The following ATP2B2 variants were observed in gnomAD, a reference collection of about 807,000 sequenced individuals.
ATP2B2 encodes ATPase plasma membrane Ca2+ transporting 2.
A neutral mutation model predicts 120.0 loss-of-function variants in ATP2B2; 15 were observed. That is an observed-to-expected ratio of 0.12 (90% CI 0.08 to 0.19). The LOEUF (loss-of-function observed/expected upper bound fraction) is 0.19, where lower values mean the gene tolerates loss of function less well. Ranked by LOEUF, ATP2B2 falls within the 10% of genes least tolerant of loss-of-function variation. The pLI is 1.00. For missense variants in ATP2B2, 1,045 were observed against 1,719.8 expected (o/e 0.61, Z 6.94); for synonymous variants, 694 against 700.3 (o/e 0.99, Z 0.14).
At chr3:10,576,790 C>A (rs533514487) in intron 2 of ATP2B2, among the ~76,000 whole-genome samples, 1 of 151,994 alleles carries the variant, frequency 6.6e-6, no homozygotes, top group Non-Finnish European at 1.5e-5. Flanking sequence ...TGGGGCCGGG[C>A]GCGGTGGCTC....
chr3:10,553,622 C>T (rs1231029168), intron 2 of ATP2B2, among the ~76,000 whole-genome samples: 1 of 152,076 alleles, frequency 6.6e-6, no homozygotes, highest in African/African-American at 2.4e-5. Context: ...AAACTGAGGC[C>T]CTCAGAGGAT....
At chr3:10,393,486 T>C (rs559866004) in intron 5 of ATP2B2, among the ~76,000 whole-genome samples, 15 of 152,270 alleles carry the variant, frequency 9.9e-5, no homozygotes, top group African/African-American at 3.4e-4. Flanking sequence ...ATTTCACAGA[T>C]AGGGCATCAG....
chr3:10,382,358 C>CT (rs538002844), intron 8 of ATP2B2, among the ~76,000 whole-genome samples: 1 of 145,604 alleles, frequency 6.9e-6, no homozygotes, highest in Non-Finnish European at 1.5e-5. Flanking sequence ...TTTTTTTTTT[C>CT]TTTTTTGAGA....
chr3:10,443,107 G>T (rs942494000), intron 2 of ATP2B2, among the ~76,000 whole-genome samples: 1 of 152,196 alleles, frequency 6.6e-6, no homozygotes, highest in Admixed American at 6.5e-5. Flanking sequence ...CGGTGCCGTG[G>T]TTTGGCTGGT....
At chr3:10,517,476 C>T (rs2066899592) in intron 3 of ATP2B2, among the ~76,000 whole-genome samples, 1 of 152,244 alleles carries the variant, frequency 6.6e-6, no homozygotes, top group Non-Finnish European at 1.5e-5. Flanking sequence ...TAAATGCATA[C>T]ATGCTCCATT....
intron 2 of ATP2B2, among the ~76,000 whole-genome samples, chr3:10,552,534 C>A (rs2067692493): frequency 6.6e-6 from 1 of 152,246 alleles, no homozygotes; most frequent in Non-Finnish European, 1.5e-5. Context: ...GAAAGGCAAT[C>A]CAGAACCTCC....
chr3:10,485,370 G>A (rs2065601463), intron 1 of ATP2B2, among the ~76,000 whole-genome samples: 1 of 152,226 alleles, frequency 6.6e-6, no homozygotes, highest in Admixed American at 6.5e-5. Flanking sequence ...CCTGAGCTCT[G>A]TGCTGGGCGA....
At position 10,615,523 on chromosome 3, in the gene ATP2B2, C is replaced by T. The variant is rs142820834; in HGVS notation, c.-415+4394G>A. 5.9e-5 allele frequency among the ~76,000 whole-genome samples: 9 copies of T among 152,310 alleles called. No individual in the cohort carries two copies. In the East Asian group the frequency reaches 1.5e-3, roughly 26 times the overall value. Reference sequence around the variant, plus strand: ...CTTACACTGAGCTCCAACAGTCCAACGGCCAGCCCCTCAGAGTGGTTTTGA... The same window carrying T: ...CTTACACTGAGCTCCAACAGTCCAATGGCCAGCCCCTCAGAGTGGTTTTGA... On this transcript the variant is annotated intron_variant, in intron 2 of 21. Transcript: ENST00000646379.
In ATP2B2 at chr3:10,423,794, C is replaced by T. The variant is rs566839713; in HGVS notation, c.200-12979G>A. The stretch of plus-strand genomic sequence containing the variant: ...CTGACACTTAGTGAGAGCTTCTGCA[C>T]GTGGTGCCCCTTCCCTGAGCCTCAG... On this transcript the variant is annotated intron_variant, in intron 2 of 22. Coordinates refer to ENST00000360273, the MANE Select transcript of ATP2B2 (RefSeq NM_001001331.4). Among the ~76,000 whole-genome samples, 19 of 152,324 alleles carry T rather than the reference C, an allele frequency of 1.2e-4. No homozygotes were observed. The South Asian group carries it at 1.4e-3, about 12-fold the overall frequency.
chr3:10,372,180 C>G, intron 11 of ATP2B2, 129 bp from the exon 12 acceptor site: 1 of 1,340,078 alleles, frequency 7.5e-7, no homozygotes, highest in Non-Finnish European at 1.0e-6. Context: ...TTGCTTCCGG[C>G]ACTTGTAAAG....
At chr3:10,378,106 G>T in intron 10 of ATP2B2, 146 bp downstream of exon 10, 1 of 1,119,022 alleles carries the variant, frequency 8.9e-7, no homozygotes, top group Non-Finnish European at 1.2e-6. Context: ...CTCAGACTGG[G>T]TGCTGTGGTA....
chr3:10,683,760 G>GTGTGTATGTATATATATATA (rs1446781892), intron 1 of ATP2B2, among the ~76,000 whole-genome samples: 1 of 53,912 alleles, frequency 1.9e-5, no homozygotes, highest in African/African-American at 5.6e-5. Context: ...GTGTGTGTGT[G>GTGTGTATGTATATATATATA]TATATATATA....
Position 10,471,677 on chromosome 3 carries a change from G to C in ATP2B2, c.-319-21815C>G, listed in dbSNP as rs193015784. ...AAAAATGATAGGCAAGGAAGGTGACGAATATGTTAATTAGTGTGATTTGAT... is the reference window on the plus strand; with the variant it reads ...AAAAATGATAGGCAAGGAAGGTGACCAATATGTTAATTAGTGTGATTTGAT... On this transcript the variant is annotated intron_variant, in intron 1 of 22. Coordinates refer to ENST00000360273, the MANE Select transcript of ATP2B2 (RefSeq NM_001001331.4). Among the ~76,000 whole-genome samples, 21 of 152,116 alleles carry C rather than the reference G, an allele frequency of 1.4e-4. 1 individual carries two copies. The highest frequency in any genetic ancestry group is 1.6e-4 in the Non-Finnish European group (11 of 68,012).
intron 3 of ATP2B2, among the ~76,000 whole-genome samples, chr3:10,524,140 T>C (rs1361786495): frequency 6.6e-6 from 1 of 152,088 alleles, no homozygotes; most frequent in East Asian, 1.9e-4. Flanking sequence ...CTGACTTCAT[T>C]AAGGGCACTT....
At chr3:10,665,210 G>T (rs993959222) in intron 1 of ATP2B2, among the ~76,000 whole-genome samples, 2 of 152,198 alleles carry the variant, frequency 1.3e-5, no homozygotes, top group African/African-American at 2.4e-5. Context: ...CTCCTGCCTG[G>T]CACCCACGCA....
At chr3:10,331,949 A>G in intron 22 of ATP2B2, 2 of 1,541,288 alleles carry the variant, frequency 1.3e-6, no homozygotes, top group Non-Finnish European at 1.8e-6. Context: ...ATTGATTCAC[A>G]TTCATTTCAG....
At chr3:10,464,596 C>T (rs1575309518) in intron 1 of ATP2B2, among the ~76,000 whole-genome samples, 1 of 152,214 alleles carries the variant, frequency 6.6e-6, no homozygotes, top group African/African-American at 2.4e-5. Flanking sequence ...AGATCTGCAA[C>T]CCCCAGTGCA....
intron 2 of ATP2B2, among the ~76,000 whole-genome samples, chr3:10,438,848 CA>C (rs2063560096): frequency 6.6e-6 from 1 of 152,224 alleles, no homozygotes. Context: ...CAACATTTCT[CA>C]CCCCTTAGGC....
intron 8 of ATP2B2, among the ~76,000 whole-genome samples, chr3:10,382,278 C>T (rs1415942932): frequency 2.2e-5 from 3 of 137,004 alleles, no homozygotes; most frequent in Non-Finnish European, 4.5e-5. Context: ...TCAAGTGATT[C>T]TCCTGCTTCG....
Sources: gnomAD v4.1 joint callset for allele counts (sites outside exome capture counted in the v4.1 genomes callset) on GRCh38, gnomAD v4.1.1 for gene constraint, MANE v1.5 for transcripts, NCBI Gene and HGNC (gene_info 2026-07-23, HGNC 2026-07-21) for gene names.